EXOC3L2: variants seen among roughly 807,000 people sequenced by gnomAD.
EXOC3L2 encodes exocyst complex component 3-like protein 2.
A neutral mutation model predicts 44.4 loss-of-function variants in EXOC3L2; 17 were observed. That is an observed-to-expected ratio of 0.38 (90% CI 0.26 to 0.57). The LOEUF (loss-of-function observed/expected upper bound fraction) is 0.57, where lower values mean the gene tolerates loss of function less well. EXOC3L2 is among the 20% of genes least tolerant of loss of function. The probability of loss-of-function intolerance (pLI) is 0.65; values close to 1 mark genes in which losing one functional copy is unlikely to be tolerated. For missense variants in EXOC3L2, 541 were observed against 588.4 expected (o/e 0.92, Z 0.83); for synonymous variants, 256 against 253.7 (o/e 1.01, Z -0.09).
intron 1 of EXOC3L2, among the ~76,000 whole-genome samples, chr19:45,241,494 A>G (rs1212759111): frequency 6.6e-6 from 1 of 151,366 alleles, no homozygotes; most frequent in African/African-American, 2.4e-5. Flanking sequence ...AAAAAAAAAA[A>G]AAGAAAAGAA....
Position 45,238,464 on chromosome 19 carries a change from C to CTGGG in EXOC3L2, c.523+55_523+58dup, listed in dbSNP as rs1267783704. 1 of 399,372 alleles carries CTGGG rather than the reference C, an allele frequency of 2.5e-6. No homozygotes were observed. The highest frequency in any genetic ancestry group is 4.4e-6 in the Non-Finnish European group (1 of 226,202). The allele number at this position is 399,372 out of a possible 1,614,324, so 24.7% of individuals were successfully genotyped here. Reference sequence around the variant, plus strand: ...AGTATGAAGCCTGGGACCACCAGGGCTGGGGATGGACATGGGCACTGGGAT... The same window carrying CTGGG: ...AGTATGAAGCCTGGGACCACCAGGGCTGGGTGGGGATGGACATGGGCACTGGGAT... On this transcript the variant is annotated intron_variant, in intron 2 of 11. Coordinates refer to ENST00000413988, the MANE Select transcript of EXOC3L2 (RefSeq NM_001382422.1). This position sits in a 1 kb window ranked among gnomAD's most constrained non-coding sequence, Gnocchi z 5.5.
intron 9 of EXOC3L2, among the ~76,000 whole-genome samples, 187 bp downstream of exon 9, chr19:45,218,010 G>A (rs976431626): frequency 9.9e-5 from 15 of 151,876 alleles, no homozygotes; most frequent in Non-Finnish European, 2.1e-4. Flanking sequence ...ATGCCTCCCC[G>A]CAGACCCCGG....
rs1969983171 is a variant in EXOC3L2, at chr19:45,227,885, C to T, written c.1472+89G>A. On this transcript the variant is annotated intron_variant, in intron 6 of 11. Coordinates refer to ENST00000413988, the MANE Select transcript of EXOC3L2 (RefSeq NM_001382422.1). The stretch of plus-strand genomic sequence containing the variant: ...TGGCACTCTACCTGTCCTCAGGTGA[C>T]TCCCTCTCATCTCTCCTCTCTCTAT... The T allele has an allele frequency of 8.0e-6, 12 of 1,495,950 alleles. No individual in the cohort carries two copies. In the South Asian group the frequency reaches 1.3e-4, roughly 16 times the overall value. The allele number at this position is 1,495,950 out of a possible 1,614,324, so 92.7% of individuals were successfully genotyped here. A position where few individuals can be genotyped will look rare whatever the true frequency, so the allele number is the denominator to read the frequency against.
chr19:45,231,009 A>G (rs546858484), intron 4 of EXOC3L2, among the ~76,000 whole-genome samples: 104 of 152,088 alleles, frequency 6.8e-4, no homozygotes, highest in African/African-American at 2.5e-3. Flanking sequence ...AGATCCCTTG[A>G]ACCCAGGAGT....
intron 7 of EXOC3L2, among the ~76,000 whole-genome samples, chr19:45,225,847 TC>T (rs1969954325): frequency 6.6e-6 from 1 of 152,140 alleles, no homozygotes; most frequent in Admixed American, 6.6e-5. Flanking sequence ...GGTCTTGAAC[TC>T]CTGGCCTCAA....
rs1970102646 is a variant in EXOC3L2, at chr19:45,238,480, G to C, written c.523+43C>G. The stretch of plus-strand genomic sequence containing the variant: ...CCACCAGGGCTGGGGATGGACATGG[G>C]CACTGGGATTCTCCCAGGACAGGGT... On this transcript the variant is annotated intron_variant, in intron 2 of 11. Transcript: ENST00000413988. The surrounding 1 kb of genome is among the most constrained non-coding windows in gnomAD (Gnocchi z 5.5). The C allele has an allele frequency of 2.5e-6, 1 of 399,432 alleles. No individual in the cohort carries two copies. The highest frequency in any genetic ancestry group is 2.1e-5 in the African/African-American group (1 of 48,652). The allele number at this position is 399,432 out of a possible 1,614,324, so 24.7% of individuals were successfully genotyped here.
At position 45,234,580 on chromosome 19, in the gene EXOC3L2, GC is replaced by G. The variant is rs2122986301; in HGVS notation, c.769del (p.Ala257LeufsTer45). On this transcript the variant is annotated frameshift_variant, in exon 3 of 12. Transcript: ENST00000413988. LOFTEE classifies it high-confidence loss of function. The surrounding 1 kb of genome is among the most constrained non-coding windows in gnomAD (Gnocchi z 5.0). The part of the protein sequence containing the change: ...AGPGPGACAG[A>X]GAVAQLGQVL... ...CTGGCCCAGCTGCGCCACCGCGCCAGCCCCGGCGCACGCTCCCGGCCCGGGG... is the reference window on the plus strand; with the variant it reads ...CTGGCCCAGCTGCGCCACCGCGCCAGCCCGGCGCACGCTCCCGGCCCGGGG... 7.5e-6 allele frequency: 2 copies of G among 268,056 alleles called. No individual in the cohort carries two copies. Among genetic ancestry groups the G allele is most frequent in the Non-Finnish European group, 1.4e-5 (2 of 141,878 alleles). The allele number at this position is 268,056 out of a possible 1,614,324, so 16.6% of individuals were successfully genotyped here.
In EXOC3L2 at chr19:45,214,039, C is replaced by G. The variant is rs541240045; in HGVS notation, c.2121-682G>C. Among the ~76,000 whole-genome samples the G allele has an allele frequency of 3.3e-5, 5 of 152,206 alleles. No homozygotes were observed. The East Asian group carries it at 9.6e-4, about 29-fold the overall frequency. The stretch of plus-strand genomic sequence containing the variant: ...ACCTCCTAATCTCAAGCTCAACCCC[C>G]TAAACCCAACCCAGCTAGCAAACTC... On this transcript the variant is annotated intron_variant, in intron 11 of 11. Transcript: ENST00000413988.
chr19:45,239,857 G>A lies in EXOC3L2; in HGVS notation c.-16-796C>T, dbSNP rs957473925. ...TATCTTAAGTTGATCCTCCTACTCC[G>A]TGGAGAAACAGGCTGAGAGGGGGGA... On this transcript the variant is annotated intron_variant, in intron 1 of 11. Coordinates refer to ENST00000413988, the MANE Select transcript of EXOC3L2 (RefSeq NM_001382422.1). 3.3e-5 allele frequency among the ~76,000 whole-genome samples: 5 copies of A among 151,856 alleles called. No individual in the cohort carries two copies. In the East Asian group the frequency reaches 5.8e-4, roughly 18 times the overall value.
At position 45,213,239 on chromosome 19, in the gene EXOC3L2, G is replaced by C. The variant is rs371350226; in HGVS notation, c.2239C>G (p.Pro747Ala). 7.4e-6 allele frequency: 12 copies of C among 1,613,294 alleles called. No individual in the cohort carries two copies. Among genetic ancestry groups the C allele is most frequent in the Non-Finnish European group, 8.5e-6 (10 of 1,179,602 alleles). ...TCTGCAAAGAAGGCACGGTCCCGAG[G>C]GGGTGACAGGGCTCCCTCCTCAGAG... ...ELSEEGALSP[P>A]RDRAFFADIP... Residue 747 changes from proline to alanine, a missense_variant, in exon 12 of 12, where the codon CCT becomes GCT. Pro to Ala is a conservative substitution (Grantham distance 27). Transcript: ENST00000413988.
chr19:45,216,313 A>G (rs1054471677), intron 10 of EXOC3L2, 119 bp from the exon 11 acceptor site: 1 of 1,382,236 alleles, frequency 7.2e-7, no homozygotes, highest in Non-Finnish European at 9.7e-7. Flanking sequence ...TGGTGGCTCA[A>G]GCCTGTAATC....
chr19:45,222,525 C>CTCCCTCTG (rs1183329323), intron 8 of EXOC3L2, among the ~76,000 whole-genome samples: 1 of 152,058 alleles, frequency 6.6e-6, no homozygotes, highest in Non-Finnish European at 1.5e-5. Flanking sequence ...TCTGATGTCT[C>CTCCCTCTG]TCCCTCTGTC....
chr19:45,224,478 G>A (rs762121737), intron 8 of EXOC3L2, among the ~76,000 whole-genome samples: 8 of 152,070 alleles, frequency 5.3e-5, no homozygotes, highest in Non-Finnish European at 1.0e-4. Flanking sequence ...CGAGGACCAG[G>A]AGATGGGTGT....
intron 4 of EXOC3L2, 42 bp downstream of exon 4, chr19:45,231,721 T>C: frequency 1.3e-6 from 2 of 1,556,798 alleles, no homozygotes; most frequent in Non-Finnish European, 1.8e-6. Context: ...ACCCCCTCCC[T>C]CCACAGCACC....
intron 1 of EXOC3L2, among the ~76,000 whole-genome samples, chr19:45,241,137 C>G (rs1299928863): frequency 1.3e-5 from 2 of 152,160 alleles, no homozygotes; most frequent in Admixed American, 1.3e-4. Flanking sequence ...GCCCTGGCCT[C>G]CTCCCTGGTC....
intron 10 of EXOC3L2, 131 bp from the exon 11 acceptor site, chr19:45,216,325 C>CAA: frequency 1.5e-6 from 2 of 1,322,400 alleles, no homozygotes; most frequent in South Asian, 1.5e-5. Flanking sequence ...CCTGTAATCC[C>CAA]AGCACTTTGG....
chr19:45,239,790 G>A (rs894673242), intron 1 of EXOC3L2, among the ~76,000 whole-genome samples: 1 of 152,162 alleles, frequency 6.6e-6, no homozygotes, highest in Admixed American at 6.5e-5. Context: ...AAAGTGCTGG[G>A]ATTACAAGAG....
intron 7 of EXOC3L2, among the ~76,000 whole-genome samples, chr19:45,225,399 G>A (rs1969947710): frequency 6.6e-6 from 1 of 151,710 alleles, no homozygotes. Flanking sequence ...CTTCCGAGTA[G>A]CTGGGACTAC....
At chr19:45,230,412 G>A (rs979250751) in intron 4 of EXOC3L2, among the ~76,000 whole-genome samples, 1 of 152,092 alleles carries the variant, frequency 6.6e-6, no homozygotes, top group African/African-American at 2.4e-5. Context: ...TAGAGACGGG[G>A]TTTCACTGTG....
Sources: gnomAD v4.1 joint callset for allele counts (sites outside exome capture counted in the v4.1 genomes callset) on GRCh38, gnomAD v4.1.1 for gene constraint, Gnocchi (gnomAD v3.1) non-coding constraint, MANE v1.5 for transcripts, NCBI Gene and HGNC (gene_info 2026-07-23, HGNC 2026-07-21) for gene names.